GALNTL6: variants seen among roughly 807,000 people sequenced by gnomAD.
The protein encoded by GALNTL6 is polypeptide N-acetylgalactosaminyltransferase-like 6.
Under a neutral mutation model 73.7 loss-of-function variants are expected in GALNTL6, and 46 were observed. The ratio of observed to expected loss-of-function variants is 0.62; its 90% CI spans 0.49 to 0.80. GALNTL6 has a LOEUF of 0.80. GALNTL6 is among the 30% of genes least tolerant of loss of function. The pLI, the probability that GALNTL6 is intolerant of heterozygous loss-of-function variation, is 0.00. For missense variants in GALNTL6, 604 were observed against 755.0 expected, an observed-to-expected ratio of 0.80 and a Z score of 2.34; for synonymous variants, 259 against 263.7, an observed-to-expected ratio of 0.98 and a Z score of 0.17.
rs541211438 is a variant in GALNTL6, at chr4:172,599,812, G to A, written c.554-209549G>A. ...AACCTTCAATGACTTTTGTACCAAC[G>A]AGTCATAGAAAATGCTACTTAGTCA... On this transcript the variant is annotated intron_variant, in intron 5 of 12. Coordinates refer to ENST00000506823, the MANE Select transcript of GALNTL6 (RefSeq NM_001034845.3). 5.1e-4 allele frequency among the ~76,000 whole-genome samples: 78 copies of A among 152,116 alleles called. 1 individual carries two copies. The South Asian group carries it at 0.016, about 31-fold the overall frequency.
chr4:172,816,660 A>G (rs1741619494), intron 7 of GALNTL6, among the ~76,000 whole-genome samples: 1 of 152,220 alleles, frequency 6.6e-6, no homozygotes, highest in South Asian at 2.1e-4. Flanking sequence ...AGGAAAACTC[A>G]TGGATAACTT....
rs138833187 is a variant in GALNTL6 at position 171,873,008 on chromosome 4, A to G, written c.138+58290A>G. Among the ~76,000 whole-genome samples the G allele has an allele frequency of 5.3e-5, 8 of 152,280 alleles. No homozygotes were observed. In the East Asian group the frequency reaches 1.5e-3, roughly 29 times the overall value. On this transcript the variant is annotated intron_variant, in intron 2 of 12. Coordinates refer to ENST00000506823, the MANE Select transcript of GALNTL6 (RefSeq NM_001034845.3). ...ATGATTGAATTAAATTTACACATAAATCGTGAATCCTGAGATACTTATTAC... is the reference window on the plus strand; with the variant it reads ...ATGATTGAATTAAATTTACACATAAGTCGTGAATCCTGAGATACTTATTAC...
chr4:172,271,104 A>G (rs1401851916), intron 3 of GALNTL6, among the ~76,000 whole-genome samples: 1 of 152,118 alleles, frequency 6.6e-6, no homozygotes, highest in Non-Finnish European at 1.5e-5. Context: ...TTCAATTCTA[A>G]CTCTATAATC....
chr4:172,056,179 C>T (rs1731014226), intron 2 of GALNTL6, among the ~76,000 whole-genome samples: 1 of 152,082 alleles, frequency 6.6e-6, no homozygotes, highest in Non-Finnish European at 1.5e-5. Flanking sequence ...GCCATTTTAT[C>T]ACATAATATT....
chr4:172,648,458 A>G (rs1247361314), intron 5 of GALNTL6, among the ~76,000 whole-genome samples: 2 of 152,174 alleles, frequency 1.3e-5, no homozygotes, highest in Non-Finnish European at 2.9e-5. Flanking sequence ...TACACAATTT[A>G]CTTTTCAGAA....
At chr4:172,318,412 G>C (rs971385781) in intron 4 of GALNTL6, among the ~76,000 whole-genome samples, 3 of 152,096 alleles carry the variant, frequency 2.0e-5, no homozygotes, top group African/African-American at 7.2e-5. Flanking sequence ...TCTTTGAAAG[G>C]CTGAATGAGG....
intron 3 of GALNTL6, among the ~76,000 whole-genome samples, chr4:172,281,622 A>T (rs1011237241): frequency 1.4e-4 from 22 of 152,210 alleles, no homozygotes; most frequent in African/African-American, 4.6e-4. Flanking sequence ...GAGGCAGGAG[A>T]ATCGTTTGAA....
At chr4:172,632,974 A>G (rs1161417843) in intron 5 of GALNTL6, among the ~76,000 whole-genome samples, 10 of 152,238 alleles carry the variant, frequency 6.6e-5, no homozygotes. Context: ...GCTGGTACAC[A>G]GAAGTCAAGA....
At chr4:172,628,628 G>A (rs1310685583) in intron 5 of GALNTL6, among the ~76,000 whole-genome samples, 2 of 151,900 alleles carry the variant, frequency 1.3e-5, no homozygotes, top group Non-Finnish European at 2.9e-5. Flanking sequence ...GCCCATAGGT[G>A]CTGGCAAGCA....
Position 172,216,330 on chromosome 4 carries a change from GT to G in GALNTL6, c.139-13316del, listed in dbSNP as rs57059035. Among the ~76,000 whole-genome samples the G allele has an allele frequency of 7.8e-3, 1,135 of 144,746 alleles. 12 individuals carry two copies. Among genetic ancestry groups the G allele is most frequent in the African/African-American group, 0.026 (1,019 of 39,716 alleles). 95.0% of individuals were successfully genotyped at this position (144,746 alleles called of 152,430 possible). ...ATAGAATTCTATTAACAGTGTTTTT[GT>G]TTTTTTTTTCTTTCAATATGTTCAA... On this transcript the variant is annotated intron_variant, in intron 2 of 12. Coordinates refer to ENST00000506823, the MANE Select transcript of GALNTL6 (RefSeq NM_001034845.3).
At chr4:172,702,281 TA>T (rs1734069090) in intron 5 of GALNTL6, among the ~76,000 whole-genome samples, 1 of 152,092 alleles carries the variant, frequency 6.6e-6, no homozygotes, top group Admixed American at 6.6e-5. Flanking sequence ...GTTTATACAT[TA>T]TTTTCAGGAT....
chr4:172,627,005 T>C (rs1208016572), intron 5 of GALNTL6, among the ~76,000 whole-genome samples: 3 of 152,256 alleles, frequency 2.0e-5, no homozygotes, highest in Non-Finnish European at 2.9e-5. Context: ...CTTGCCTGAT[T>C]GCTTTGGCTA....
intron 5 of GALNTL6, among the ~76,000 whole-genome samples, chr4:172,481,245 C>T (rs757214522): frequency 4.0e-5 from 6 of 150,296 alleles, no homozygotes; most frequent in Admixed American, 1.3e-4. Flanking sequence ...CCTCCCGACC[C>T]GAGTTGTTCA....
intron 5 of GALNTL6, among the ~76,000 whole-genome samples, chr4:172,730,135 T>C (rs1383949226): frequency 1.3e-5 from 2 of 152,154 alleles, no homozygotes; most frequent in East Asian, 3.9e-4. Flanking sequence ...TTTGATGGAG[T>C]CTTTCGATTT....
At chr4:172,423,693 C>A (rs1731129396) in intron 5 of GALNTL6, among the ~76,000 whole-genome samples, 1 of 152,034 alleles carries the variant, frequency 6.6e-6, no homozygotes, top group Admixed American at 6.6e-5. Context: ...CCTCTACTTT[C>A]CTGCTAGAAT....
chr4:172,580,734 T>C (rs12648442), intron 5 of GALNTL6, among the ~76,000 whole-genome samples: 72,240 of 151,666 alleles, frequency 0.48, 18,838 homozygotes, highest in East Asian at 0.67. Flanking sequence ...AAAAAATACA[T>C]TATTTAACTG....
chr4:171,996,753 T>C (rs1740503555), intron 2 of GALNTL6, among the ~76,000 whole-genome samples: 1 of 147,170 alleles, frequency 6.8e-6, no homozygotes, highest in Non-Finnish European at 1.5e-5. Flanking sequence ...ACTCACAGTG[T>C]CTTAAGAAAG....
chr4:172,272,954 GAGA>G (rs944116325), intron 3 of GALNTL6, among the ~76,000 whole-genome samples: 3 of 151,944 alleles, frequency 2.0e-5, no homozygotes, highest in East Asian at 1.9e-4. Context: ...AAATAAGTTG[GAGA>G]AGAAGTATTT....
intron 9 of GALNTL6, among the ~76,000 whole-genome samples, chr4:172,943,438 A>G (rs906184241): frequency 7.2e-5 from 11 of 152,224 alleles, no homozygotes; most frequent in African/African-American, 2.4e-4. Context: ...TTCCTGACCC[A>G]CAGAAACTGT....
Sources: allele counts gnomAD v4.1 joint callset (sites outside exome capture counted in the v4.1 genomes callset), GRCh38; gene constraint gnomAD v4.1.1; transcripts MANE v1.5; gene names NCBI Gene and HGNC (gene_info 2026-07-23, HGNC 2026-07-21).